SDK1: variants seen among roughly 807,000 people sequenced by gnomAD.
The protein encoded by SDK1 is sidekick cell adhesion molecule 1, also known as protein sidekick-1.
In SDK1, 157 loss-of-function variants were observed where a neutral mutation model predicts 245.5. The ratio of observed to expected loss-of-function variants is 0.64; its 90% CI spans 0.56 to 0.73. The LOEUF is 0.73. Ranked by LOEUF, SDK1 falls within the 30% of genes least tolerant of loss-of-function variation. The pLI, the probability that SDK1 is intolerant of heterozygous loss-of-function variation, is 0.00. For synonymous variants in SDK1, 1,647 were observed against 1,278.5 expected, an observed-to-expected ratio of 1.29 and a Z score of -6.15; for missense variants, 3,583 against 3,002.3, an observed-to-expected ratio of 1.19 and a Z score of -4.52.
At chr7:3,887,698 T>A (rs564616108) in intron 5 of SDK1, among the ~76,000 whole-genome samples, 1 of 152,354 alleles carries the variant, frequency 6.6e-6, no homozygotes, top group East Asian at 1.9e-4. Context: ...ATGTTCTACA[T>A]CATATGAGTT....
Position 3,346,368 on chromosome 7 carries a change from C to G in SDK1, c.298+44484C>G, listed in dbSNP as rs1321158196. Among the ~76,000 whole-genome samples the G allele has an allele frequency of 5.3e-5, 8 of 152,106 alleles. No homozygotes were observed. In the South Asian group the frequency reaches 1.0e-3, roughly 20 times the overall value. On this transcript the variant is annotated intron_variant, in intron 1 of 44. Transcript: ENST00000404826. The stretch of plus-strand genomic sequence containing the variant: ...CCTCCGTGCAAGGCTGTTCATCTAG[C>G]TTCACTTTCTTCCTAGGCTTGTCTC...
Position 3,536,235 on chromosome 7 carries a change from T to G in SDK1, c.299-82845T>G, listed in dbSNP as rs1394751797. Among the ~76,000 whole-genome samples the G allele has an allele frequency of 2.9e-4, 25 of 85,654 alleles. 1 individual carries two copies. In the Admixed American group the frequency reaches 3.5e-3, roughly 12 times the overall value. 56.2% of individuals were successfully genotyped at this position (85,654 alleles called of 152,430 possible). On this transcript the variant is annotated intron_variant, in intron 1 of 44. Transcript: ENST00000404826. Reference sequence around the variant, plus strand: ...CCACACCCAGCTAATTTTTTTTTTGTGTGTGTGTTTTTACTAGAGACGGGG... The same window carrying G: ...CCACACCCAGCTAATTTTTTTTTTGGGTGTGTGTTTTTACTAGAGACGGGG...
rs147913515 is a variant in SDK1, at chr7:3,560,829, G to A, written c.299-58251G>A. On this transcript the variant is annotated intron_variant, in intron 1 of 44. Transcript: ENST00000404826. ...TCTTTCCTGTTCCTCCAACCTGCCC[G>A]AGTTGCTGCTGCTTCTGGGGTCTGC... 9.9e-3 allele frequency among the ~76,000 whole-genome samples: 1,501 copies of A among 152,188 alleles called. 27 individuals carry two copies. The highest frequency in any genetic ancestry group is 0.059 in the South Asian group (286 of 4,812).
chr7:3,483,829 T>A (rs548161684), intron 1 of SDK1, among the ~76,000 whole-genome samples: 1 of 152,322 alleles, frequency 6.6e-6, no homozygotes, highest in African/African-American at 2.4e-5. Context: ...GGAACATTTC[T>A]TTTTTCTCCT....
chr7:3,608,235 G>T (rs1781483311), intron 1 of SDK1, among the ~76,000 whole-genome samples: 1 of 152,166 alleles, frequency 6.6e-6, no homozygotes, highest in South Asian at 2.1e-4. Flanking sequence ...AAAATATTCT[G>T]TGTCGAAATG....
chr7:3,570,393 C>G (rs967523588), intron 1 of SDK1, among the ~76,000 whole-genome samples: 10 of 152,128 alleles, frequency 6.6e-5, no homozygotes, highest in Non-Finnish European at 1.3e-4. Flanking sequence ...GTTGCTCAGG[C>G]AGTAATGCTT....
chr7:3,831,847 G>C (rs1779919801), intron 5 of SDK1, among the ~76,000 whole-genome samples: 1 of 152,026 alleles, frequency 6.6e-6, no homozygotes, highest in African/African-American at 2.4e-5. Context: ...AGGAGTTCAA[G>C]ACCAGTCTGG....
intron 4 of SDK1, among the ~76,000 whole-genome samples, chr7:3,792,782 C>T (rs542693055): frequency 6.6e-6 from 1 of 152,268 alleles, no homozygotes; most frequent in Non-Finnish European, 1.5e-5. Flanking sequence ...ATCCACCCAT[C>T]CATCCAACCC....
At chr7:3,614,241 T>G (rs762001328) in intron 1 of SDK1, among the ~76,000 whole-genome samples, 1 of 152,246 alleles carries the variant, frequency 6.6e-6, no homozygotes, top group Non-Finnish European at 1.5e-5. Context: ...ATAAATGATT[T>G]ATGTTCTATT....
intron 20 of SDK1, among the ~76,000 whole-genome samples, chr7:4,075,449 G>C (rs1399363789): frequency 1.3e-5 from 2 of 152,152 alleles, no homozygotes; most frequent in Non-Finnish European, 2.9e-5. Context: ...AGTTTCAGGT[G>C]CGTCCTAGCG....
chr7:3,813,920 G>C (rs1397119155), intron 4 of SDK1, among the ~76,000 whole-genome samples: 2 of 132,998 alleles, frequency 1.5e-5, no homozygotes, highest in East Asian at 4.1e-4. Flanking sequence ...CTTTTGAGAA[G>C]TGTCTGTTCA....
intron 1 of SDK1, among the ~76,000 whole-genome samples, chr7:3,408,379 C>G (rs1779107320): frequency 1.3e-5 from 2 of 152,202 alleles, no homozygotes; most frequent in African/African-American, 4.8e-5. Flanking sequence ...AATAAATTCA[C>G]TGTATGACTA....
intron 1 of SDK1, among the ~76,000 whole-genome samples, chr7:3,484,904 G>C (rs992788667): frequency 2.0e-5 from 3 of 152,150 alleles, no homozygotes; most frequent in Admixed American, 6.5e-5. Flanking sequence ...TTCATCTGTT[G>C]ATGAGCATTT....
At chr7:3,588,342 A>G (rs951260361) in intron 1 of SDK1, among the ~76,000 whole-genome samples, 32 of 152,338 alleles carry the variant, frequency 2.1e-4, no homozygotes, top group African/African-American at 7.7e-4. Context: ...TTTGTTTACA[A>G]CAGTCTTTTA....
intron 9 of SDK1, among the ~76,000 whole-genome samples, chr7:3,967,086 T>G (rs554771713): frequency 6.6e-6 from 1 of 152,338 alleles, no homozygotes; most frequent in African/African-American, 2.4e-5. Context: ...TTTCCACTTG[T>G]GTATCTATTA....
intron 1 of SDK1, among the ~76,000 whole-genome samples, chr7:3,340,822 T>C (rs1169199801): frequency 6.6e-6 from 1 of 150,550 alleles, no homozygotes; most frequent in African/African-American, 2.4e-5. Context: ...AAACAAGGTA[T>C]ACTGTAATGT....
intron 4 of SDK1, among the ~76,000 whole-genome samples, chr7:3,765,534 T>C (rs1403338625): frequency 6.6e-6 from 1 of 152,198 alleles, no homozygotes; most frequent in African/African-American, 2.4e-5. Context: ...CTAGTTCTCG[T>C]TGTAGTGTCC....
chr7:3,301,545 CCCGT>C lies in SDK1; in HGVS notation c.-34_-31del, dbSNP rs995350716. On this transcript the variant is annotated 5_prime_UTR_variant, in exon 1 of 45. Coordinates refer to ENST00000404826, the MANE Select transcript of SDK1 (RefSeq NM_152744.4). Reference sequence around the variant, plus strand: ...GGAGCCGTCCCGCCTGTCCTGCCCGCCCGTCCGTCCGGCGCGGCGCTCGGGGTGG... The same window carrying C: ...GGAGCCGTCCCGCCTGTCCTGCCCGCCCGTCCGGCGCGGCGCTCGGGGTGG... 82 of 738,040 alleles carry C rather than the reference CCCGT, an allele frequency of 1.1e-4. No individual in the cohort carries two copies. The highest frequency in any genetic ancestry group is 1.3e-4 in the Non-Finnish European group (77 of 607,888). The allele number at this position is 738,040 out of a possible 1,614,324, so 45.7% of individuals were successfully genotyped here. A position where few individuals can be genotyped will look rare whatever the true frequency, so the allele number is the denominator to read the frequency against.
At chr7:3,415,920 C>G (rs765098247) in intron 1 of SDK1, among the ~76,000 whole-genome samples, 88 of 152,210 alleles carry the variant, frequency 5.8e-4, no homozygotes, top group Non-Finnish European at 9.3e-4. Flanking sequence ...CACTCTCCCC[C>G]ATCCTGCTCA....
Sources: gnomAD v4.1 joint callset for allele counts (sites outside exome capture counted in the v4.1 genomes callset) on GRCh38, gnomAD v4.1.1 for gene constraint, MANE v1.5 for transcripts, NCBI Gene and HGNC (gene_info 2026-07-23, HGNC 2026-07-21) for gene names.